Variants in PDE6A observed in about 807,000 individuals in gnomAD.
PDE6A encodes the protein phosphodiesterase 6A.
Under a neutral mutation model 106.3 loss-of-function variants are expected in PDE6A, and 84 were observed. The observed-to-expected ratio is 0.79, with a 90% CI of 0.66 to 0.95. The LOEUF (loss-of-function observed/expected upper bound fraction) is 0.95, where lower values mean the gene tolerates loss of function less well. Ranked by LOEUF, PDE6A falls within the 40% of genes least tolerant of loss-of-function variation. The pLI is 0.00. For missense variants in PDE6A, 1,052 were observed against 1,084.9 expected (o/e 0.97, Z 0.43); for synonymous variants, 394 against 386.6 (o/e 1.02, Z -0.23).
rs758745199 is a variant in PDE6A at position 149,863,145 on chromosome 5, T to A, written c.2480A>T (p.Lys827Met). Residue 827 changes from lysine (K) to methionine (M), a missense_variant, in exon 21 of 22, where the codon AAG becomes ATG. By Grantham distance (95) the Lys-to-Met change is moderately conservative (BLOSUM62 -1). Coordinates refer to ENST00000255266, the MANE Select transcript of PDE6A (RefSeq NM_000440.3). This position sits in a 1 kb window ranked among gnomAD's most constrained non-coding sequence, Gnocchi z 4.7. ...TGACTTGGCCGACTGCTGTTTCTGC[T>A]TCTTCTCCTCCTGCACCTTCATCTT... is the stretch of plus-strand genomic sequence containing the variant. Reference protein sequence around the residue: ...DAKMKVQEEKKQKQQSAKSAA... With the variant: ...DAKMKVQEEKMQKQQSAKSAA... 1 of 1,612,708 alleles carries A rather than the reference T, an allele frequency of 6.2e-7. No individual in the cohort carries two copies. Among genetic ancestry groups the A allele is most frequent in the Admixed American group, 1.7e-5 (1 of 59,960 alleles).
At chr5:149,894,566 A>G (rs1752662166) in intron 13 of PDE6A, among the ~76,000 whole-genome samples, 2 of 151,618 alleles carry the variant, frequency 1.3e-5, no homozygotes, top group East Asian at 1.9e-4. Context: ...AAAATGAAAT[A>G]TGTTCCTAAT....
At chr5:149,942,529 G>C (rs1754352004) in intron 1 of PDE6A, among the ~76,000 whole-genome samples, 1 of 152,146 alleles carries the variant, frequency 6.6e-6, no homozygotes, top group Non-Finnish European at 1.5e-5. Context: ...CAGGTGGGAT[G>C]AGAGACTGAG....
Position 149,914,990 on chromosome 5 carries a change from C to G in PDE6A, c.951G>C (p.Lys317Asn). ...TGCCATGCAGGATGTAGTCAATGAC[C>G]TTGTAAAAGTTAATTTCCTGGCAAA... The part of the protein sequence containing the change: ...TPDGREINFY[K>N]VIDYILHGKE... The change falls in exon 6 of 22, where the codon AAG becomes AAC. Residue 317 changes from lysine to asparagine, a missense_variant. Physicochemically the swap from Lys to Asn is moderately conservative, Grantham distance 94 (BLOSUM62 0). Around this residue, in one of 3 missense-constraint regions of PDE6A, gnomAD observed 913 missense variants for 915.2 expected, o/e 1.00. Coordinates refer to ENST00000255266, the MANE Select transcript of PDE6A (RefSeq NM_000440.3). 61 of 1,592,976 alleles carry G rather than the reference C, an allele frequency of 3.8e-5. No individual in the cohort carries two copies. The highest frequency in any genetic ancestry group is 5.2e-5 in the Non-Finnish European group (61 of 1,164,748).
rs568491245 is a variant in PDE6A, at chr5:149,895,702, C to T, written c.1621-412G>A. Among the ~76,000 whole-genome samples, 135 of 152,000 alleles carry T rather than the reference C, an allele frequency of 8.9e-4. No individual in the cohort carries two copies. In the Middle Eastern group the frequency reaches 0.01, roughly 12 times the overall value. On this transcript the variant is annotated intron_variant, in intron 12 of 21. Coordinates refer to ENST00000255266, the MANE Select transcript of PDE6A (RefSeq NM_000440.3). Reference sequence around the variant, plus strand: ...CTCAAACTTGCGTGTGCATGAGACTCACTTGGAGGACTTGTTAAAACAGTT... The same window carrying T: ...CTCAAACTTGCGTGTGCATGAGACTTACTTGGAGGACTTGTTAAAACAGTT...
At chr5:149,908,302 T>A (rs1438508574) in intron 6 of PDE6A, among the ~76,000 whole-genome samples, 1 of 152,244 alleles carries the variant, frequency 6.6e-6, no homozygotes, top group Non-Finnish European at 1.5e-5. Flanking sequence ...TTGGTGCATA[T>A]GTGCTCTCAG....
chr5:149,924,451 A>AT (rs200836033), intron 4 of PDE6A, among the ~76,000 whole-genome samples: 15,985 of 148,916 alleles, frequency 0.11, 1,127 homozygotes, highest in East Asian at 0.2. Flanking sequence ...TTAGAAATAG[A>AT]AATATATATA....
chr5:149,891,267 C>T (rs779598321), intron 13 of PDE6A, among the ~76,000 whole-genome samples: 10 of 152,182 alleles, frequency 6.6e-5, no homozygotes, highest in Middle Eastern at 3.4e-3. Flanking sequence ...GTCAGGAGTT[C>T]GAGACCAGCC....
At chr5:149,905,833 G>A (rs1215774960) in intron 7 of PDE6A, among the ~76,000 whole-genome samples, 1 of 152,152 alleles carries the variant, frequency 6.6e-6, no homozygotes, top group Non-Finnish European at 1.5e-5. Flanking sequence ...TTCCCAGGAA[G>A]CTGCTAGAGT....
intron 1 of PDE6A, among the ~76,000 whole-genome samples, chr5:149,943,211 C>T (rs191904778): frequency 2.2e-3 from 338 of 152,224 alleles, no homozygotes; most frequent in African/African-American, 7.8e-3. Flanking sequence ...TGGAGAATGG[C>T]GATGACTTTT....
intron 7 of PDE6A, among the ~76,000 whole-genome samples, chr5:149,906,687 C>T (rs1231276354): frequency 1.3e-5 from 2 of 152,038 alleles, no homozygotes; most frequent in Non-Finnish European, 2.9e-5. Context: ...TCCTCCATGC[C>T]CATGTTGTTT....
chr5:149,861,873 C>A (rs570380803), intron 21 of PDE6A, among the ~76,000 whole-genome samples: 27 of 152,232 alleles, frequency 1.8e-4, no homozygotes, highest in African/African-American at 4.3e-4. Context: ...ACAATTTGTA[C>A]AAATTAGAAA....
chr5:149,903,553 T>G, intron 8 of PDE6A, 95 bp downstream of exon 8: 1 of 950,958 alleles, frequency 1.1e-6, no homozygotes. Flanking sequence ...TTGAGGCTGC[T>G]TCCCAGCAGA....
At chr5:149,928,829 G>A (rs914146576) in intron 4 of PDE6A, among the ~76,000 whole-genome samples, 1 of 152,082 alleles carries the variant, frequency 6.6e-6, no homozygotes, top group Non-Finnish European at 1.5e-5. Context: ...TTTTTTAAAT[G>A]GAGGAGAAAC....
Position 149,859,485 on chromosome 5 carries a change from A to C in PDE6A, c.*1410T>G, listed in dbSNP as rs528245199. 2.0e-5 allele frequency: 3 copies of C among 152,436 alleles called. No homozygotes were observed. Among genetic ancestry groups the C allele is most frequent in the African/African-American group, 7.2e-5 (3 of 41,574 alleles). The allele number at this position is 152,436 out of a possible 1,614,324, so 9.4% of individuals were successfully genotyped here. A position where few individuals can be genotyped will look rare whatever the true frequency, so the allele number is the denominator to read the frequency against. ...ACCGATGCTTGGGGAAGGGAAGGAA[A>C]TAGGAGTGGGCAGAGGGAGAAGTCG... On this transcript the variant is annotated 3_prime_UTR_variant, in exon 22 of 22. Transcript: ENST00000255266.
chr5:149,895,392 T>G (rs1752702775), intron 12 of PDE6A, 102 bp from the exon 13 acceptor site: 1 of 824,252 alleles, frequency 1.2e-6, no homozygotes, highest in Admixed American at 1.9e-5. Context: ...TGGCCCTCTC[T>G]TTTGAGGTTT....
At chr5:149,940,056 G>C (rs1285640938) in intron 1 of PDE6A, 1 of 151,896 alleles carries the variant, frequency 6.6e-6, no homozygotes, top group African/African-American at 2.4e-5. Context: ...GAAGCAGTAG[G>C]AGTGGAGGGG....
intron 1 of PDE6A, among the ~76,000 whole-genome samples, chr5:149,941,615 T>C (rs1338519103): frequency 6.6e-6 from 1 of 152,220 alleles, no homozygotes; most frequent in Non-Finnish European, 1.5e-5. Flanking sequence ...ATCACCTCTG[T>C]GCTGCTCCTG....
intron 1 of PDE6A, among the ~76,000 whole-genome samples, chr5:149,935,435 A>G (rs912175086): frequency 1.3e-5 from 2 of 152,200 alleles, no homozygotes. Flanking sequence ...AGTTCAGTAG[A>G]TATCCCCATT....
intron 19 of PDE6A, chr5:149,866,702 T>A (rs1055750881): frequency 8.7e-5 from 16 of 183,758 alleles, no homozygotes; most frequent in African/African-American, 3.8e-4. Flanking sequence ...TGTGAGTGTG[T>A]TAATGGTATT....
Sources: gnomAD v4.1 joint callset for allele counts (sites outside exome capture counted in the v4.1 genomes callset) on GRCh38, gnomAD v4.1.1 for gene constraint, gnomAD v4.1.1 regional missense constraint, Gnocchi (gnomAD v3.1) non-coding constraint, MANE v1.5 for transcripts, NCBI Gene and HGNC (gene_info 2026-07-23, HGNC 2026-07-21) for gene names.